Variants in SEL1L2 observed in about 807,000 individuals in gnomAD.
The protein encoded by SEL1L2 is protein sel-1 homolog 2.
In SEL1L2, 89 loss-of-function variants were observed where a neutral mutation model predicts 98.8. The ratio of observed to expected loss-of-function variants is 0.90; its 90% CI spans 0.76 to 1.07. The LOEUF is 1.07. SEL1L2 is among the 50% of genes least tolerant of loss of function. SEL1L2 has a pLI of 0.00. For missense variants in SEL1L2, 788 were observed against 812.0 expected (o/e 0.97, Z 0.36); for synonymous variants, 262 against 278.5 (o/e 0.94, Z 0.59).
At chr20:13,857,456 C>A (rs965778895) in intron 18 of SEL1L2, among the ~76,000 whole-genome samples, 2 of 152,168 alleles carry the variant, frequency 1.3e-5, no homozygotes, top group Non-Finnish European at 2.9e-5. Context: ...AAAACCAAAC[C>A]CTCTGACAGT....
chr20:13,854,373 G>T (rs564636893), intron 18 of SEL1L2, among the ~76,000 whole-genome samples: 3 of 152,200 alleles, frequency 2.0e-5, no homozygotes, highest in African/African-American at 7.2e-5. Flanking sequence ...CATGTAAAAA[G>T]GTTGTCATAT....
intron 2 of SEL1L2, among the ~76,000 whole-genome samples, chr20:13,945,464 C>G (rs1344108475): frequency 6.6e-6 from 1 of 151,260 alleles, no homozygotes; most frequent in Non-Finnish European, 1.5e-5. Flanking sequence ...TTATTACACA[C>G]TATGTACATT....
intron 5 of SEL1L2, among the ~76,000 whole-genome samples, chr20:13,903,047 G>A (rs2047754891): frequency 6.7e-6 from 1 of 149,612 alleles, no homozygotes; most frequent in Non-Finnish European, 1.5e-5. Flanking sequence ...GAACCTGGGA[G>A]GCAAAGATTG....
chr20:13,964,701 G>A (rs1321905928), intron 1 of SEL1L2, among the ~76,000 whole-genome samples: 1 of 151,846 alleles, frequency 6.6e-6, no homozygotes. Flanking sequence ...TGATCCATGC[G>A]CCTCGGCTTT....
intron 1 of SEL1L2, among the ~76,000 whole-genome samples, chr20:13,986,298 A>C (rs556680997): frequency 6.6e-6 from 1 of 152,316 alleles, no homozygotes; most frequent in African/African-American, 2.4e-5. Context: ...CAATTAAGTG[A>C]CATTTAGTGC....
chr20:13,855,049 C>CAAAAAA (rs71188190), intron 18 of SEL1L2, among the ~76,000 whole-genome samples: 3 of 81,118 alleles, frequency 3.7e-5, no homozygotes, highest in Admixed American at 1.5e-4. Context: ...GACTCCGTCT[C>CAAAAAA]AAAAAAAAAA....
chr20:13,981,933 G>T (rs1038835889), intron 1 of SEL1L2, among the ~76,000 whole-genome samples: 1 of 152,200 alleles, frequency 6.6e-6, no homozygotes, highest in Non-Finnish European at 1.5e-5. Context: ...TGAAGCAGCA[G>T]GATATTTCCT....
chr20:13,941,206 G>A (rs771721437), intron 2 of SEL1L2, among the ~76,000 whole-genome samples: 1 of 152,120 alleles, frequency 6.6e-6, no homozygotes, highest in Non-Finnish European at 1.5e-5. Flanking sequence ...GACCGGCCTC[G>A]TAAGAACAGG....
At position 13,907,704 on chromosome 20, in the gene SEL1L2, T is replaced by C. The variant is rs201364139; in HGVS notation, c.549+6078A>G. On this transcript the variant is annotated intron_variant, in intron 5 of 19. Transcript: ENST00000284951. ...TTTCTCTTTCTTTCTTTCTTTCTCT[T>C]TCTTTCTTTCTTTCTTTCTTTCTTT... is the stretch of plus-strand genomic sequence containing the variant. Among the ~76,000 whole-genome samples the C allele has an allele frequency of 3.0e-4, 18 of 59,704 alleles. 1 individual carries two copies. The highest frequency in any genetic ancestry group is 1.2e-3 in the Admixed American group (7 of 5,718). 39.2% of individuals were successfully genotyped at this position (59,704 alleles called of 152,430 possible).
At chr20:13,973,414 C>T (rs1257931790) in intron 1 of SEL1L2, 1 of 152,244 alleles carries the variant, frequency 6.6e-6, no homozygotes, top group East Asian at 1.9e-4. Context: ...GTAAGCACTG[C>T]TGAGTCCTAA....
chr20:13,962,572 G>C (rs1316245515), intron 1 of SEL1L2, among the ~76,000 whole-genome samples: 1 of 152,170 alleles, frequency 6.6e-6, no homozygotes, highest in African/African-American at 2.4e-5. Context: ...ATTATGAGGA[G>C]TAATAAATCA....
chr20:13,934,784 T>A lies in SEL1L2; in HGVS notation c.115-3013A>T, dbSNP rs531020317. 9.9e-5 allele frequency among the ~76,000 whole-genome samples: 15 copies of A among 151,996 alleles called. No individual in the cohort carries two copies. The South Asian group carries it at 1.2e-3, about 13-fold the overall frequency. ...ATCCATGCCAACATCTGTTTTTTTT[T>A]ATTTTTTGATTATGGCCATTCTTGT... On this transcript the variant is annotated intron_variant, in intron 2 of 19. Coordinates refer to ENST00000284951, the MANE Select transcript of SEL1L2 (RefSeq NM_025229.2).
chr20:13,984,436 G>T (rs1467149555), intron 1 of SEL1L2, among the ~76,000 whole-genome samples: 1 of 152,162 alleles, frequency 6.6e-6, no homozygotes, highest in Non-Finnish European at 1.5e-5. Context: ...ATTTGGCATT[G>T]TTGGCAATTT....
At chr20:13,984,246 AG>A (rs1272049876) in intron 1 of SEL1L2, among the ~76,000 whole-genome samples, 1 of 152,078 alleles carries the variant, frequency 6.6e-6, no homozygotes, top group Non-Finnish European at 1.5e-5. Flanking sequence ...TCCTGACCTC[AG>A]GTGATCTGCC....
chr20:13,900,430 A>C (rs950818305), intron 5 of SEL1L2, among the ~76,000 whole-genome samples: 1 of 152,164 alleles, frequency 6.6e-6, no homozygotes, highest in African/African-American at 2.4e-5. Flanking sequence ...ACACTGAAAA[A>C]GTGCCCACTT....
intron 14 of SEL1L2, 78 bp from the exon 15 acceptor site, chr20:13,866,928 A>G (rs1469256752): frequency 7.6e-7 from 1 of 1,310,540 alleles, no homozygotes; most frequent in African/African-American, 1.5e-5. Flanking sequence ...TAATAGTCAT[A>G]GTGATGCCTG....
chr20:13,912,683 T>C (rs2048255785), intron 5 of SEL1L2, among the ~76,000 whole-genome samples: 1 of 152,176 alleles, frequency 6.6e-6, no homozygotes. Context: ...ATGGCTCAGA[T>C]GCAAGGAGAT....
chr20:13,945,485 CATAT>C (rs150808080), intron 2 of SEL1L2, among the ~76,000 whole-genome samples: 1 of 148,224 alleles, frequency 6.7e-6, no homozygotes, highest in East Asian at 1.9e-4. Flanking sequence ...TTAATATATA[CATAT>C]ATATATATAT....
At chr20:13,907,077 C>G (rs1386664064) in intron 5 of SEL1L2, among the ~76,000 whole-genome samples, 1 of 152,122 alleles carries the variant, frequency 6.6e-6, no homozygotes, top group Non-Finnish European at 1.5e-5. Flanking sequence ...TAGGGAAACA[C>G]TCATATCTTT....
Sources: gnomAD v4.1 joint callset for allele counts (sites outside exome capture counted in the v4.1 genomes callset) on GRCh38, gnomAD v4.1.1 for gene constraint, MANE v1.5 for transcripts, NCBI Gene and HGNC (gene_info 2026-07-23, HGNC 2026-07-21) for gene names.